ZFP62: variants seen among roughly 807,000 people sequenced by gnomAD.
The protein encoded by ZFP62 is zinc finger protein 62 homolog.
A neutral mutation model predicts 56.4 loss-of-function variants in ZFP62; 44 were observed. The observed-to-expected ratio is 0.78, with a 90% CI of 0.61 to 1.00. The LOEUF is 1.00. Among genes scored for constraint, ZFP62 ranks in the 50% least tolerant of loss-of-function variants. The pLI is 0.00. For synonymous variants in ZFP62, 421 were observed against 388.9 expected, an observed-to-expected ratio of 1.08 and a Z score of -0.97; for missense variants, 1,030 against 1,085.7, an observed-to-expected ratio of 0.95 and a Z score of 0.72.
At chr5:180,851,917 C>CT (rs1391582141) in intron 1 of ZFP62, 34 of 715,652 alleles carry the variant, frequency 4.8e-5, no homozygotes, top group Admixed American at 6.0e-5. Context: ...TTAGGTAAAA[C>CT]TTTTTTTTAT....
chr5:180,832,373 A>G, the ZFP62 span, among the ~76,000 whole-genome samples: 1 of 152,142 alleles, frequency 6.6e-6, no homozygotes, highest in East Asian at 1.9e-4. Context: ...GGCTGGTCTG[A>G]AACTCCTGTG....
Position 180,850,760 on chromosome 5 carries a change from C to A in ZFP62, c.735G>T (p.Arg245Ser). Residue 245 changes from arginine to serine, a missense_variant, in exon 2 of 2, where the codon AGG becomes AGT. Physicochemically the swap from Arg to Ser is moderately radical, Grantham distance 110 (BLOSUM62 -1). Coordinates refer to ENST00000502412, the MANE Select transcript of ZFP62 (RefSeq NM_001172638.2). ...CATAGGGCTTCTCCCCAGTGTGGAT[C>A]CTTTTATGCTGGTCCAGAACAGAGC... Reference protein sequence around the residue: ...NYSSVLDQHKRIHTGEKPYEC... With the variant: ...NYSSVLDQHKSIHTGEKPYEC... The A allele has an allele frequency of 6.2e-7, 1 of 1,604,458 alleles. No homozygotes were observed. The highest frequency in any genetic ancestry group is 2.2e-5 in the East Asian group (1 of 44,456).
chr5:180,846,644 C>G (rs1194147584), downstream of ZFP62, among the ~76,000 whole-genome samples: 4 of 152,126 alleles, frequency 2.6e-5, no homozygotes, highest in Non-Finnish European at 5.9e-5. Context: ...CAACGTCCTG[C>G]CCAGATGTCA....
downstream of ZFP62, among the ~76,000 whole-genome samples, chr5:180,844,241 A>G (rs1036224558): frequency 6.6e-5 from 10 of 152,366 alleles, no homozygotes; most frequent in African/African-American, 2.4e-4. Flanking sequence ...ATTTTTATTA[A>G]GCCTTAAAAT....
the ZFP62 span, among the ~76,000 whole-genome samples, chr5:180,828,431 T>C: frequency 6.6e-6 from 1 of 152,204 alleles, no homozygotes; most frequent in Admixed American, 6.5e-5. Context: ...GAGGGTTCTA[T>C]GTTGCGGGAA....
chr5:180,849,090 T>C lies in ZFP62; in HGVS notation c.2405A>G (p.Asn802Ser), dbSNP rs752727954. Residue 802 changes from asparagine (N) to serine (S), a missense_variant, in exon 2 of 2, where the codon AAT (asparagine) becomes AGT (serine). Physicochemically the swap from Asn to Ser is conservative, Grantham distance 46. Coordinates refer to ENST00000502412, the MANE Select transcript of ZFP62 (RefSeq NM_001172638.2). The stretch of plus-strand genomic sequence containing the variant: ...CTTCCCCTGGTGGACACTTTTATGA[T>C]TGATAAGACTTGAGTGTGAGATGTA... Reference protein sequence around the residue: ...KAYISHSSLINHKSVHQGKQP... With the variant: ...KAYISHSSLISHKSVHQGKQP... 25 of 1,553,134 alleles carry C rather than the reference T, an allele frequency of 1.6e-5. No homozygotes were observed. The highest frequency in any genetic ancestry group is 1.7e-4 in the Middle Eastern group (1 of 6,020).
chr5:180,848,769 A>T lies in ZFP62; in HGVS notation c.*23T>A. 6.7e-7 allele frequency: 1 copy of T among 1,482,050 alleles called. No homozygotes were observed. Among genetic ancestry groups the T allele is most frequent in the Non-Finnish European group, 9.0e-7 (1 of 1,114,046 alleles). The allele number at this position is 1,482,050 out of a possible 1,614,324, so 91.8% of individuals were successfully genotyped here. ...AGGTATTTCTTCCATTTGAGTTCGG[A>T]GAGACTTGGTAAGCTCTGCCTGCTA... On this transcript the variant is annotated 3_prime_UTR_variant, in exon 2 of 2. Coordinates refer to ENST00000502412, the MANE Select transcript of ZFP62 (RefSeq NM_001172638.2).
chr5:180,860,344 A>G (rs1250619720), intron 1 of ZFP62, among the ~76,000 whole-genome samples: 2 of 152,154 alleles, frequency 1.3e-5, no homozygotes, highest in Admixed American at 6.5e-5. Flanking sequence ...TACATATTTC[A>G]TATTATTATT....
chr5:180,833,946 G>A, the ZFP62 span, among the ~76,000 whole-genome samples: 10 of 152,288 alleles, frequency 6.6e-5, no homozygotes, highest in African/African-American at 2.2e-4. Context: ...TGGGATTACA[G>A]GCGTGAGCCA....
downstream of ZFP62, among the ~76,000 whole-genome samples, chr5:180,846,613 C>T (rs2113664926): frequency 4.6e-5 from 1 of 21,562 alleles, no homozygotes; most frequent in South Asian, 3.4e-3. Context: ...CTAGTTCCTA[C>T]TCCTCTCAGA....
the ZFP62 span, among the ~76,000 whole-genome samples, chr5:180,828,904 A>C: frequency 1.1e-4 from 16 of 152,336 alleles, 1 homozygote; most frequent in African/African-American, 3.8e-4. Context: ...AAAGGAATGC[A>C]TTCCTGGGGG....
At chr5:180,851,972 GA>G in intron 1 of ZFP62, 1 of 977,904 alleles carries the variant, frequency 1.0e-6, no homozygotes, top group African/African-American at 1.8e-5. Flanking sequence ...CAAAACTAAA[GA>G]GAAAAAATTA....
At chr5:180,828,454 G>A in the ZFP62 span, among the ~76,000 whole-genome samples, 1 of 152,174 alleles carries the variant, frequency 6.6e-6, no homozygotes, top group South Asian at 2.1e-4. Context: ...CAGGGACCCC[G>A]AATGGAAGGA....
the ZFP62 span, among the ~76,000 whole-genome samples, chr5:180,826,964 A>G: frequency 6.6e-6 from 1 of 152,166 alleles, no homozygotes; most frequent in African/African-American, 2.4e-5. Context: ...GAGAAGAGAA[A>G]TGGTCTTCCA....
intron 1 of ZFP62, among the ~76,000 whole-genome samples, chr5:180,853,187 G>T (rs142927752): frequency 1.3e-5 from 2 of 152,332 alleles, no homozygotes; most frequent in Admixed American, 6.5e-5. Flanking sequence ...AAATCTCCAA[G>T]CACAGAAGAC....
chr5:180,852,864 A>G (rs1356880707), intron 1 of ZFP62, among the ~76,000 whole-genome samples: 1 of 152,226 alleles, frequency 6.6e-6, no homozygotes, highest in African/African-American at 2.4e-5. Flanking sequence ...ATAATGAGAG[A>G]AAGATAAATA....
Position 180,847,925 on chromosome 5 carries a change from A to C in ZFP62, c.*867T>G, listed in dbSNP as rs915889690. The C allele has an allele frequency of 3.0e-6, 3 of 985,308 alleles. No individual in the cohort carries two copies. In the African/African-American group the frequency reaches 5.2e-5, roughly 17 times the overall value. The allele number at this position is 985,308 out of a possible 1,614,324, so 61.0% of individuals were successfully genotyped here. ...AATCCCTGAATCACTTCTGTCATGTAAGGTGCGAATTCATGTTGACGGTGT... is the reference window on the plus strand; with the variant it reads ...AATCCCTGAATCACTTCTGTCATGTCAGGTGCGAATTCATGTTGACGGTGT... On this transcript the variant is annotated 3_prime_UTR_variant, in exon 2 of 2. Transcript: ENST00000502412.
chr5:180,858,119 T>A (rs1392059166), intron 1 of ZFP62, among the ~76,000 whole-genome samples: 4 of 145,630 alleles, frequency 2.7e-5, no homozygotes, highest in African/African-American at 1.0e-4. Flanking sequence ...TAGCTGGGCA[T>A]GGTGGTGGGC....
chr5:180,841,499 C>T, the ZFP62 span, among the ~76,000 whole-genome samples: 1 of 152,076 alleles, frequency 6.6e-6, no homozygotes, highest in Non-Finnish European at 1.5e-5. Context: ...GGGCTGTGGG[C>T]TGTGAAAGGA....
Sources: allele counts gnomAD v4.1 joint callset (sites outside exome capture counted in the v4.1 genomes callset), GRCh38; gene constraint gnomAD v4.1.1; transcripts MANE v1.5; gene names NCBI Gene and HGNC (gene_info 2026-07-23, HGNC 2026-07-21).